The following GRAMD1B variants were observed in gnomAD, a reference collection of about 807,000 sequenced individuals.
GRAMD1B encodes the protein GRAM domain containing 1B.
In GRAMD1B, 37 loss-of-function variants were observed where a neutral mutation model predicts 99.7. The ratio of observed to expected loss-of-function variants is 0.37; its 90% CI spans 0.29 to 0.49. The LOEUF (loss-of-function observed/expected upper bound fraction) is 0.49, where lower values mean the gene tolerates loss of function less well. Among genes scored for constraint, GRAMD1B ranks in the 20% least tolerant of loss-of-function variants. GRAMD1B has a pLI of 0.98. For missense variants in GRAMD1B, 888 were observed against 1,009.2 expected, an observed-to-expected ratio of 0.88 and a Z score of 1.63; for synonymous variants, 427 against 387.6, an observed-to-expected ratio of 1.10 and a Z score of -1.19.
intron 11 of GRAMD1B, chr11:123,608,380 G>A: frequency 2.2e-6 from 2 of 914,284 alleles, no homozygotes; most frequent in Non-Finnish European, 3.2e-6. Context: ...AGGGAGGTTT[G>A]AAAGTGTAAA....
intron 2 of GRAMD1B, chr11:123,491,641 G>A (rs1240690143): frequency 2.2e-5 from 8 of 369,960 alleles, no homozygotes; most frequent in Admixed American, 4.6e-5. Context: ...AGGGGATCTC[G>A]GTAACGCAGG....
rs183857945 is a variant in GRAMD1B, at chr11:123,564,415, A to G, written c.453-12952A>G. Among the ~76,000 whole-genome samples the G allele has an allele frequency of 3.6e-3, 544 of 152,356 alleles. 11 individuals are homozygous for G. The highest frequency in any genetic ancestry group is 0.033 in the Admixed American group (502 of 15,302). ...AGACAGCATCCACTCTAGTTCTTGC[A>G]TAATAAAAGCGGAAGCTCAGAGAGG... On this transcript the variant is annotated intron_variant, in intron 2 of 19. Coordinates refer to ENST00000635736, the MANE Select transcript of GRAMD1B (RefSeq NM_001387025.1).
chr11:123,361,034 T>A (rs1368108614), intron 1 of GRAMD1B, among the ~76,000 whole-genome samples: 1 of 152,098 alleles, frequency 6.6e-6, no homozygotes, highest in East Asian at 1.9e-4. Flanking sequence ...GCCAGGCTGG[T>A]CTCGAACTCC....
chr11:123,402,263 G>A (rs1333255410), intron 1 of GRAMD1B, among the ~76,000 whole-genome samples: 11 of 152,124 alleles, frequency 7.2e-5, no homozygotes, highest in Admixed American at 3.3e-4. Flanking sequence ...TGACCTGCCC[G>A]CCTCGGCCTC....
chr11:123,369,876 C>T (rs1373403796), intron 1 of GRAMD1B, among the ~76,000 whole-genome samples: 1 of 149,098 alleles, frequency 6.7e-6, no homozygotes, highest in Non-Finnish European at 1.5e-5. Flanking sequence ...ACAGTGAGAC[C>T]CTGTCTCAAA....
chr11:123,500,168 A>G (rs1047972646), intron 2 of GRAMD1B, among the ~76,000 whole-genome samples: 2 of 152,150 alleles, frequency 1.3e-5, no homozygotes, highest in Non-Finnish European at 2.9e-5. Context: ...TAAAAATACA[A>G]AAATTAGCTG....
chr11:123,593,332 T>C (rs548347058), intron 4 of GRAMD1B, among the ~76,000 whole-genome samples: 1 of 152,274 alleles, frequency 6.6e-6, no homozygotes, highest in South Asian at 2.1e-4. Context: ...CAAGGAGGAT[T>C]TGCTAAGGCA....
At chr11:123,402,738 G>A (rs1469772281) in intron 1 of GRAMD1B, among the ~76,000 whole-genome samples, 4 of 152,176 alleles carry the variant, frequency 2.6e-5, no homozygotes, top group Admixed American at 6.5e-5. Flanking sequence ...TTGGAATCCC[G>A]GAATCCCAAT....
At chr11:123,556,286 C>T (rs1946175843) in intron 2 of GRAMD1B, among the ~76,000 whole-genome samples, 2 of 152,194 alleles carry the variant, frequency 1.3e-5, no homozygotes, top group African/African-American at 2.4e-5. Context: ...TGGAGTGCTA[C>T]TCTGTAAAAG....
chr11:123,435,759 AAGG>A (rs1949129087), intron 1 of GRAMD1B: 2 of 328,948 alleles, frequency 6.1e-6, no homozygotes, highest in African/African-American at 4.2e-5. Flanking sequence ...AAATTTCCAA[AAGG>A]AGATGAGTAC....
intron 19 of GRAMD1B, among the ~76,000 whole-genome samples, chr11:123,621,358 C>T (rs920263556): frequency 1.1e-4 from 16 of 152,096 alleles, no homozygotes; most frequent in African/African-American, 3.4e-4. Flanking sequence ...TTCTAGTCTC[C>T]CATTTAGACT....
At chr11:123,388,036 G>A (rs376821086) in intron 1 of GRAMD1B, among the ~76,000 whole-genome samples, 10 of 147,160 alleles carry the variant, frequency 6.8e-5, no homozygotes, top group Middle Eastern at 3.7e-3. Context: ...TGAGGCAGGA[G>A]AATCGCTTGA....
Position 123,623,752 on chromosome 11 carries a change from G to A in GRAMD1B, c.*1157G>A, listed in dbSNP as rs1955343305. 1 of 152,278 alleles carries A rather than the reference G, an allele frequency of 6.6e-6. No individual in the cohort carries two copies. Among genetic ancestry groups the A allele is most frequent in the East Asian group, 1.9e-4 (1 of 5,194 alleles). The allele number at this position is 152,278 out of a possible 1,614,324, so 9.4% of individuals were successfully genotyped here. ...TAGAAAAAGCATCTGAGCCACTGGAGGGAAGGATTTGGCAAAGGTGCATGT... is the reference window on the plus strand; with the variant it reads ...TAGAAAAAGCATCTGAGCCACTGGAAGGAAGGATTTGGCAAAGGTGCATGT... On this transcript the variant is annotated 3_prime_UTR_variant, in exon 20 of 20. Transcript: ENST00000635736.
At chr11:123,608,943 C>T (rs1953132461) in intron 12 of GRAMD1B, 141 bp downstream of exon 12, 10 of 651,334 alleles carry the variant, frequency 1.5e-5, no homozygotes, top group South Asian at 1.4e-4. Context: ...CAGACACCCT[C>T]TCTCCAGCCT....
At chr11:123,536,795 G>A (rs1944010515) in intron 2 of GRAMD1B, among the ~76,000 whole-genome samples, 1 of 152,062 alleles carries the variant, frequency 6.6e-6, no homozygotes, top group Non-Finnish European at 1.5e-5. Flanking sequence ...CATGTGTTTT[G>A]GTCTCATTGC....
rs1364098381 is a variant in GRAMD1B at position 123,605,277 on chromosome 11, T to C, written c.1167-45T>C. Reference sequence around the variant, plus strand: ...GAGATTCTTAGAATAGTTGGCCATCTTGAACCACTGAGGGTAATGTGGACT... The same window carrying C: ...GAGATTCTTAGAATAGTTGGCCATCCTGAACCACTGAGGGTAATGTGGACT... On this transcript the variant is annotated intron_variant, in intron 9 of 19. Coordinates refer to ENST00000635736, the MANE Select transcript of GRAMD1B (RefSeq NM_001387025.1). The C allele has an allele frequency of 4.9e-6, 7 of 1,433,174 alleles. No individual in the cohort carries two copies. In the Admixed American group the frequency reaches 1.3e-4, roughly 26 times the overall value. 88.8% of individuals were successfully genotyped at this position (1,433,174 alleles called of 1,614,324 possible). A position where few individuals can be genotyped will look rare whatever the true frequency, so the allele number is the denominator to read the frequency against.
intron 2 of GRAMD1B, among the ~76,000 whole-genome samples, chr11:123,568,357 G>A (rs372975035): frequency 6.6e-6 from 1 of 152,244 alleles, no homozygotes; most frequent in African/African-American, 2.4e-5. Flanking sequence ...TTTGTAAGGT[G>A]TCTCTACCAG....
At chr11:123,576,093 C>T (rs1948675024) in intron 2 of GRAMD1B, among the ~76,000 whole-genome samples, 1 of 152,128 alleles carries the variant, frequency 6.6e-6, no homozygotes, top group Admixed American at 6.6e-5. Context: ...GGATTTGTTG[C>T]CTTTCTCTCT....
intron 1 of GRAMD1B, among the ~76,000 whole-genome samples, chr11:123,410,941 A>C (rs1022355414): frequency 5.9e-5 from 9 of 152,020 alleles, no homozygotes; most frequent in African/African-American, 2.2e-4. Context: ...GAAACCCCCA[A>C]AGTGCCTTGT....
Sources: allele counts gnomAD v4.1 joint callset (sites outside exome capture counted in the v4.1 genomes callset), GRCh38; gene constraint gnomAD v4.1.1; transcripts MANE v1.5; gene names NCBI Gene and HGNC (gene_info 2026-07-23, HGNC 2026-07-21).